Variants in CDC42SE2 observed in about 807,000 individuals in gnomAD.
CDC42SE2 encodes CDC42 small effector 2, also known as CDC42 small effector protein 2.
CDC42SE2 carries 3 observed loss-of-function variants against 11.5 expected under a neutral mutation model. The observed-to-expected ratio is 0.26, with a 90% confidence interval of 0.12 to 0.67. The LOEUF (loss-of-function observed/expected upper bound fraction) is 0.67. Among genes scored for constraint, CDC42SE2 ranks in the 30% least tolerant of loss-of-function variants. CDC42SE2 has a pLI of 0.80. For missense variants in CDC42SE2, 82 were observed against 106.8 expected, an observed-to-expected ratio of 0.77 and a Z score of 1.02; for synonymous variants, 33 against 34.8, an observed-to-expected ratio of 0.95 and a Z score of 0.18.
At chr5:131,310,121 T>C (rs1416051672) in intron 1 of CDC42SE2, among the ~76,000 whole-genome samples, 2 of 152,286 alleles carry the variant, frequency 1.3e-5, no homozygotes, top group East Asian at 3.9e-4. Context: ...GCTTTGAATG[T>C]GTCCCAGAGA....
At chr5:131,311,289 G>A (rs922403829) in intron 1 of CDC42SE2, among the ~76,000 whole-genome samples, 6 of 151,720 alleles carry the variant, frequency 4.0e-5, no homozygotes, top group Non-Finnish European at 7.4e-5. Context: ...CTTCTGGCTT[G>A]TAGGGTTTCT....
At chr5:131,299,896 G>C (rs960779881) in intron 1 of CDC42SE2, among the ~76,000 whole-genome samples, 2 of 152,142 alleles carry the variant, frequency 1.3e-5, no homozygotes, top group African/African-American at 4.8e-5. Context: ...CAAAAAGGAG[G>C]GAATCAGGGC....
At chr5:131,266,842 T>C (rs1756876450) in intron 1 of CDC42SE2, among the ~76,000 whole-genome samples, 4 of 152,038 alleles carry the variant, frequency 2.6e-5, no homozygotes, top group Admixed American at 2.6e-4. Flanking sequence ...AGAAGTTACC[T>C]GACAATGTAC....
At chr5:131,241,628 C>G (rs1017439969), upstream of CDC42SE2, among the ~76,000 whole-genome samples, 4 of 152,032 alleles carry the variant, frequency 2.6e-5, no homozygotes, top group African/African-American at 9.7e-5. Context: ...GAGCACACCC[C>G]CTTTGCCTAC....
intron 3 of CDC42SE2, among the ~76,000 whole-genome samples, chr5:131,366,266 A>G (rs2149776070): frequency 6.6e-6 from 1 of 152,294 alleles, no homozygotes; most frequent in East Asian, 1.9e-4. Flanking sequence ...TATGTACTTG[A>G]AAACAAACTA....
intron 1 of CDC42SE2, among the ~76,000 whole-genome samples, chr5:131,248,790 T>C (rs905980999): frequency 6.6e-6 from 1 of 152,154 alleles, no homozygotes; most frequent in African/African-American, 2.4e-5. Context: ...TTATAAAACG[T>C]TGTTAAGAAA....
chr5:131,328,560 C>CTTGA (rs1758344502), intron 2 of CDC42SE2, among the ~76,000 whole-genome samples: 2 of 152,018 alleles, frequency 1.3e-5, no homozygotes, highest in Admixed American at 6.6e-5. Context: ...CTACTTGATC[C>CTTGA]TTTTTCATGG....
chr5:131,232,470 C>T, the CDC42SE2 span, among the ~76,000 whole-genome samples: 1 of 152,054 alleles, frequency 6.6e-6, no homozygotes, highest in Non-Finnish European at 1.5e-5. Flanking sequence ...CAGTGGCTCA[C>T]GCCTGTAATC....
At chr5:131,229,962 GTATC>G in the CDC42SE2 span, among the ~76,000 whole-genome samples, 16 of 152,070 alleles carry the variant, frequency 1.1e-4, no homozygotes, top group African/African-American at 3.9e-4. Flanking sequence ...ACTGTAACAG[GTATC>G]TATCTATGTA....
At chr5:131,243,347 AG>A (rs1756554920), upstream of CDC42SE2, among the ~76,000 whole-genome samples, 1 of 152,334 alleles carries the variant, frequency 6.6e-6, no homozygotes, top group East Asian at 1.9e-4. Flanking sequence ...TGGGAGGCCA[AG>A]GTGGGTGGAT....
intron 1 of CDC42SE2, among the ~76,000 whole-genome samples, chr5:131,254,723 T>A (rs1353076021): frequency 2.0e-5 from 3 of 152,154 alleles, no homozygotes; most frequent in South Asian, 2.1e-4. Context: ...AAAAGTCTAG[T>A]CCAATGTTTT....
At chr5:131,260,887 T>C (rs563531633), upstream of CDC42SE2, among the ~76,000 whole-genome samples, 38 of 152,366 alleles carry the variant, frequency 2.5e-4, no homozygotes, top group African/African-American at 8.9e-4. Context: ...TGAGCCAAGA[T>C]AGTGCTATTG....
intron 3 of CDC42SE2, among the ~76,000 whole-genome samples, chr5:131,371,840 A>C (rs1352494983): frequency 7.2e-5 from 11 of 152,272 alleles, no homozygotes; most frequent in Admixed American, 7.2e-4. Flanking sequence ...AGTTACAGTG[A>C]AACAAGCAGT....
chr5:131,210,158 A>G, the CDC42SE2 span, among the ~76,000 whole-genome samples: 2 of 152,226 alleles, frequency 1.3e-5, no homozygotes, highest in Non-Finnish European at 1.5e-5. Context: ...CACAGCCTGC[A>G]GAATGGTGAG....
chr5:131,394,179 T>G lies in CDC42SE2; in HGVS notation c.*3088T>G, dbSNP rs1418698151. The G allele has an allele frequency of 1.4e-4, 21 of 152,384 alleles. No homozygotes were observed. Among genetic ancestry groups the G allele is most frequent in the Admixed American group, 1.4e-3 (21 of 15,284 alleles). The allele number at this position is 152,384 out of a possible 1,614,324, so 9.4% of individuals were successfully genotyped here. On this transcript the variant is annotated 3_prime_UTR_variant, in exon 5 of 5. Transcript: ENST00000505065. ...TGAAGCGAATTAAATAGGATTTTAC[T>G]ACTCAACATTCATTATACTGTTAAT... is the stretch of plus-strand genomic sequence containing the variant.
chr5:131,328,443 GTTA>G (rs1758342555), intron 2 of CDC42SE2, among the ~76,000 whole-genome samples: 1 of 152,022 alleles, frequency 6.6e-6, no homozygotes, highest in African/African-American at 2.4e-5. Context: ...ATTCTGGGAA[GTTA>G]TTATTTCTTG....
intron 1 of CDC42SE2, among the ~76,000 whole-genome samples, chr5:131,293,572 CAAA>C (rs57767937): frequency 0.012 from 1,210 of 101,184 alleles, 22 homozygotes; most frequent in African/African-American, 0.051. Context: ...AACTCCGTCT[CAAA>C]AAAAAAAAAA....
At chr5:131,254,011 T>G (rs549978166) in intron 1 of CDC42SE2, among the ~76,000 whole-genome samples, 88 of 152,346 alleles carry the variant, frequency 5.8e-4, no homozygotes, top group Non-Finnish European at 4.0e-4. Context: ...CAGGGCTTTC[T>G]GTTCAGTGGA....
At chr5:131,266,454 T>A (rs1231424993) in intron 1 of CDC42SE2, among the ~76,000 whole-genome samples, 1 of 151,184 alleles carries the variant, frequency 6.6e-6, no homozygotes, top group Non-Finnish European at 1.5e-5. Context: ...ATTAGCTTTT[T>A]TTTTTCTTTT....
Sources: allele counts gnomAD v4.1 joint callset (sites outside exome capture counted in the v4.1 genomes callset), GRCh38; gene constraint gnomAD v4.1.1; transcripts MANE v1.5; gene names NCBI Gene and HGNC (gene_info 2026-07-23, HGNC 2026-07-21).